Variants in SCFD2 observed in about 807,000 individuals in gnomAD.
SCFD2 encodes the protein sec1 family domain containing 2.
Under a neutral mutation model 58.9 loss-of-function variants are expected in SCFD2, and 54 were observed. The observed-to-expected ratio is 0.92, with a 90% CI of 0.74 to 1.15. SCFD2 has a LOEUF of 1.15. Among genes scored for constraint, SCFD2 ranks in the 50% most tolerant of loss-of-function variants. SCFD2 has a pLI of 0.00. For missense variants in SCFD2, 805 were observed against 836.6 expected (o/e 0.96, Z 0.47); for synonymous variants, 321 against 335.9 (o/e 0.96, Z 0.49).
At chr4:53,221,418 C>T (rs148938238) in intron 4 of SCFD2, among the ~76,000 whole-genome samples, 1 of 152,288 alleles carries the variant, frequency 6.6e-6, no homozygotes, top group East Asian at 1.9e-4. Flanking sequence ...TCACGAAGAT[C>T]TTGCCTTGTA....
At chr4:53,318,054 G>A (rs11731676) in intron 2 of SCFD2, among the ~76,000 whole-genome samples, 108,496 of 152,040 alleles carry the variant, frequency 0.71, 38,884 homozygotes, top group Middle Eastern at 0.8. Context: ...CACTGTCAGC[G>A]ACTTCATTTT....
chr4:53,238,699 G>C (rs1335146104), intron 4 of SCFD2, among the ~76,000 whole-genome samples: 1 of 151,710 alleles, frequency 6.6e-6, no homozygotes, highest in Non-Finnish European at 1.5e-5. Flanking sequence ...CGGCCGGGCA[G>C]AGGTGCTCCT....
At chr4:53,214,662 T>C (rs1330174526) in intron 4 of SCFD2, among the ~76,000 whole-genome samples, 1 of 152,156 alleles carries the variant, frequency 6.6e-6, no homozygotes, top group African/African-American at 2.4e-5. Context: ...TTTAATTAGA[T>C]CCCATTTGTC....
rs1734699164 is a variant in SCFD2 at position 53,366,057 on chromosome 4, C to CCTCTGACACGCTCCCTGATGGCG, written c.-117_-116insCGCCATCAGGGAGCGTGTCAGAG. 1.6e-6 allele frequency: 2 copies of CCTCTGACACGCTCCCTGATGGCG among 1,216,718 alleles called. No individual in the cohort carries two copies. Among genetic ancestry groups the CCTCTGACACGCTCCCTGATGGCG allele is most frequent in the Admixed American group, 5.1e-5 (2 of 39,596 alleles). 75.4% of individuals were successfully genotyped at this position (1,216,718 alleles called of 1,614,324 possible). A position where few individuals can be genotyped will look rare whatever the true frequency, so the allele number is the denominator to read the frequency against. ...CAGTCTCCACAGTACACGTGGTCGGCCTCTGACACGCTCCCTGATGGCGCT... is the reference window on the plus strand; with the variant it reads ...CAGTCTCCACAGTACACGTGGTCGGCCTCTGACACGCTCCCTGATGGCGCTCTGACACGCTCCCTGATGGCGCT... On this transcript the variant is annotated 5_prime_UTR_variant, in exon 1 of 9. Transcript: ENST00000401642.
chr4:53,276,650 G>A (rs1327547759), intron 3 of SCFD2, among the ~76,000 whole-genome samples: 2 of 151,992 alleles, frequency 1.3e-5, no homozygotes, highest in African/African-American at 2.4e-5. Context: ...AATATCAGCT[G>A]TTCCCCTCTT....
chr4:53,259,112 G>T (rs780720546), intron 4 of SCFD2, among the ~76,000 whole-genome samples: 1 of 152,110 alleles, frequency 6.6e-6, no homozygotes, highest in South Asian at 2.1e-4. Context: ...GTAGATTCTG[G>T]ATATTACTTC....
intron 4 of SCFD2, among the ~76,000 whole-genome samples, chr4:53,262,010 T>A (rs868526878): frequency 6.6e-6 from 1 of 152,180 alleles, no homozygotes; most frequent in Non-Finnish European, 1.5e-5. Context: ...TTATATAAGG[T>A]CCCTCTTTTT....
At chr4:52,888,425 C>T (rs1381737633) in intron 7 of SCFD2, among the ~76,000 whole-genome samples, 1 of 152,178 alleles carries the variant, frequency 6.6e-6, no homozygotes, top group Non-Finnish European at 1.5e-5. Context: ...CTGCTCTGCA[C>T]CTCTGTTTCC....
intron 5 of SCFD2, among the ~76,000 whole-genome samples, chr4:53,128,464 CGAG>C (rs962220144): frequency 6.6e-6 from 1 of 151,974 alleles, no homozygotes; most frequent in African/African-American, 2.4e-5. Context: ...TCTGCGTTTC[CGAG>C]GAGAACAACT....
At chr4:52,923,600 G>T (rs1304152008) in intron 5 of SCFD2, among the ~76,000 whole-genome samples, 2 of 152,144 alleles carry the variant, frequency 1.3e-5, no homozygotes, top group Non-Finnish European at 2.9e-5. Flanking sequence ...AGGGGATTGG[G>T]GGGTAGGGGA....
At chr4:52,889,802 A>G (rs79192064) in intron 7 of SCFD2, among the ~76,000 whole-genome samples, 5,757 of 152,232 alleles carry the variant, frequency 0.038, 401 homozygotes, top group African/African-American at 0.13. Context: ...ACCTCCCCAC[A>G]GGCAATCATC....
intron 3 of SCFD2, among the ~76,000 whole-genome samples, chr4:53,300,245 T>C (rs1732227522): frequency 1.3e-5 from 2 of 151,962 alleles, no homozygotes; most frequent in African/African-American, 2.4e-5. Context: ...AATAAAGGGA[T>C]GGAGGAAGAT....
chr4:52,995,636 C>A lies in SCFD2; in HGVS notation c.1562-74766G>T, dbSNP rs540336963. Among the ~76,000 whole-genome samples the A allele has an allele frequency of 1.1e-4, 17 of 152,280 alleles. No individual in the cohort carries two copies. The South Asian group carries it at 3.1e-3, about 28-fold the overall frequency. On this transcript the variant is annotated intron_variant, in intron 5 of 8. Transcript: ENST00000401642. ...CTCCTTTCATGTCTTTCACAATAAA[C>A]CTTTGTTGAAGACTGCTGTGGAAGT...
intron 4 of SCFD2, among the ~76,000 whole-genome samples, chr4:53,266,585 C>A (rs1240603873): frequency 6.6e-6 from 1 of 152,214 alleles, no homozygotes. Flanking sequence ...ATACTTTACA[C>A]CATTTCACCA....
chr4:53,115,657 T>C lies in SCFD2; in HGVS notation c.1561+29676A>G, dbSNP rs377415907. Among the ~76,000 whole-genome samples, 238 of 152,328 alleles carry C rather than the reference T, an allele frequency of 1.6e-3. 4 individuals are homozygous for C. In the South Asian group the frequency reaches 0.035, roughly 22 times the overall value. On this transcript the variant is annotated intron_variant, in intron 5 of 8. Coordinates refer to ENST00000401642, the MANE Select transcript of SCFD2 (RefSeq NM_152540.4). ...GGTAGTCACATTTGTATTTTAATCTTTTACTTTTATTACTGACAAGTGGAT... is the reference window on the plus strand; with the variant it reads ...GGTAGTCACATTTGTATTTTAATCTCTTACTTTTATTACTGACAAGTGGAT...
intron 5 of SCFD2, among the ~76,000 whole-genome samples, chr4:53,009,184 T>C (rs1318186375): frequency 1.3e-5 from 2 of 152,220 alleles, no homozygotes; most frequent in Non-Finnish European, 2.9e-5. Context: ...TGATTGGCTC[T>C]AGAAGTAATA....
chr4:52,953,165 C>T (rs748281636), intron 5 of SCFD2, among the ~76,000 whole-genome samples: 1 of 152,210 alleles, frequency 6.6e-6, no homozygotes, highest in Non-Finnish European at 1.5e-5. Context: ...CTTCCTCAGT[C>T]CTCACAGTGA....
intron 5 of SCFD2, among the ~76,000 whole-genome samples, chr4:52,954,842 C>T (rs934671984): frequency 1.2e-4 from 18 of 152,128 alleles, no homozygotes; most frequent in Non-Finnish European, 4.4e-5. Context: ...TTCTTCCAGG[C>T]CATAAAAGAG....
intron 5 of SCFD2, among the ~76,000 whole-genome samples, chr4:53,029,706 A>G (rs542693905): frequency 1.3e-5 from 2 of 152,350 alleles, no homozygotes; most frequent in East Asian, 3.9e-4. Flanking sequence ...GATTTTGATA[A>G]ATGTGCAAAG....
Sources: allele counts gnomAD v4.1 joint callset (sites outside exome capture counted in the v4.1 genomes callset), GRCh38; gene constraint gnomAD v4.1.1; transcripts MANE v1.5; gene names NCBI Gene and HGNC (gene_info 2026-07-23, HGNC 2026-07-21).